Variants in NCOA2 observed in about 807,000 individuals in gnomAD.
NCOA2 encodes the protein nuclear receptor coactivator 2.
NCOA2 carries 21 observed loss-of-function variants against 145.1 expected under a neutral mutation model. The ratio of observed to expected loss-of-function variants is 0.14; its 90% CI spans 0.10 to 0.21. The LOEUF is 0.21. Ranked by LOEUF, NCOA2 falls within the 10% of genes least tolerant of loss-of-function variation. NCOA2 has a pLI of 1.00. For missense variants in NCOA2, 1,472 were observed against 1,837.6 expected (o/e 0.80, Z 3.64); for synonymous variants, 619 against 637.5 (o/e 0.97, Z 0.44).
At chr8:70,287,502 A>G (rs1224984396) in intron 2 of NCOA2, among the ~76,000 whole-genome samples, 1 of 152,168 alleles carries the variant, frequency 6.6e-6, no homozygotes, top group African/African-American at 2.4e-5. Context: ...GAATTTTTTT[A>G]CTGAATAAAA....
chr8:70,388,042 G>T (rs1406288933), intron 1 of NCOA2, among the ~76,000 whole-genome samples: 2 of 152,154 alleles, frequency 1.3e-5, no homozygotes, highest in African/African-American at 4.8e-5. Flanking sequence ...GATAAGCTGT[G>T]TCAATCATAC....
intron 4 of NCOA2, among the ~76,000 whole-genome samples, chr8:70,183,980 A>G (rs1303938858): frequency 6.6e-6 from 1 of 152,214 alleles, no homozygotes; most frequent in Non-Finnish European, 1.5e-5. Context: ...CAGGGCTGAA[A>G]TATCACAAAT....
intron 1 of NCOA2, among the ~76,000 whole-genome samples, chr8:70,400,590 T>C (rs1814144431): frequency 1.3e-5 from 2 of 152,172 alleles, no homozygotes; most frequent in African/African-American, 2.4e-5. Context: ...TTGTCAAATT[T>C]TGAATGTTGT....
At chr8:70,446,727 A>T in the NCOA2 span, among the ~76,000 whole-genome samples, 1 of 152,042 alleles carries the variant, frequency 6.6e-6, no homozygotes, top group Non-Finnish European at 1.5e-5. Context: ...ATTTAAATTG[A>T]TTTTTCTGAA....
chr8:70,408,508 A>G (rs914745951), upstream of NCOA2, among the ~76,000 whole-genome samples: 2 of 152,236 alleles, frequency 1.3e-5, no homozygotes, highest in African/African-American at 2.4e-5. Flanking sequence ...TGGCCTAAAA[A>G]CAGAAATAGA....
At chr8:70,127,351 C>A (rs529781373) in intron 18 of NCOA2, among the ~76,000 whole-genome samples, 1 of 152,304 alleles carries the variant, frequency 6.6e-6, no homozygotes, top group Admixed American at 6.5e-5. Context: ...ATAACACAGT[C>A]CTTTCTATAA....
chr8:70,175,653 A>G (rs572996410), intron 4 of NCOA2, among the ~76,000 whole-genome samples: 4 of 152,398 alleles, frequency 2.6e-5, no homozygotes, highest in Non-Finnish European at 4.4e-5. Flanking sequence ...TATGTGGTAA[A>G]GTAGTTATTT....
chr8:70,133,415 G>A (rs944363111), intron 15 of NCOA2, among the ~76,000 whole-genome samples: 4 of 151,956 alleles, frequency 2.6e-5, no homozygotes, highest in African/African-American at 9.7e-5. Context: ...TGTAGAGACA[G>A]GGTCTTGCTA....
the NCOA2 span, among the ~76,000 whole-genome samples, chr8:70,449,615 T>A: frequency 2.0e-5 from 3 of 152,220 alleles, no homozygotes; most frequent in South Asian, 4.1e-4. Context: ...CCTTCTTCCC[T>A]CCTCCAATCT....
intron 22 of NCOA2, among the ~76,000 whole-genome samples, chr8:70,119,442 C>T (rs192128086): frequency 3.3e-5 from 5 of 152,234 alleles, no homozygotes; most frequent in Admixed American, 3.3e-4. Flanking sequence ...ACCACATTTT[C>T]TTTATCCATT....
chr8:70,199,361 G>T (rs1273591994), intron 4 of NCOA2, among the ~76,000 whole-genome samples: 6 of 149,512 alleles, frequency 4.0e-5, no homozygotes, highest in African/African-American at 1.2e-4. Context: ...TGAGGCAGGA[G>T]AATTGCTTGA....
chr8:70,240,569 G>A (rs1302721487), intron 2 of NCOA2, among the ~76,000 whole-genome samples: 1 of 152,126 alleles, frequency 6.6e-6, no homozygotes. Flanking sequence ...ATGTTGGAAC[G>A]CTATAGAGGG....
intron 4 of NCOA2, among the ~76,000 whole-genome samples, chr8:70,176,538 A>C (rs540099243): frequency 1.3e-5 from 2 of 152,314 alleles, no homozygotes; most frequent in South Asian, 2.1e-4. Context: ...CTCCAGCCAC[A>C]GGATTGGCTT....
At chr8:70,118,276 G>A (rs1479127096) in intron 22 of NCOA2, among the ~76,000 whole-genome samples, 1 of 152,172 alleles carries the variant, frequency 6.6e-6, no homozygotes, top group Non-Finnish European at 1.5e-5. Context: ...GGTTAAAATG[G>A]CCCCTCTGTG....
chr8:70,364,473 A>G (rs1294536528), intron 1 of NCOA2, among the ~76,000 whole-genome samples: 3 of 152,262 alleles, frequency 2.0e-5, no homozygotes, highest in Non-Finnish European at 4.4e-5. Flanking sequence ...AACTGAAAAC[A>G]GCAAGAAACA....
At chr8:70,453,179 T>C in the NCOA2 span, among the ~76,000 whole-genome samples, 1 of 152,252 alleles carries the variant, frequency 6.6e-6, no homozygotes, top group Admixed American at 6.5e-5. Flanking sequence ...ATTTAAATGC[T>C]AAGCCTGGCC....
chr8:70,322,127 A>G (rs1194693582), intron 1 of NCOA2, among the ~76,000 whole-genome samples: 1 of 152,050 alleles, frequency 6.6e-6, no homozygotes, highest in Non-Finnish European at 1.5e-5. Context: ...AGAGGGGGAA[A>G]AAAAAACCTG....
At chr8:70,377,410 T>C (rs901758439) in intron 1 of NCOA2, among the ~76,000 whole-genome samples, 2 of 152,118 alleles carry the variant, frequency 1.3e-5, no homozygotes, top group Non-Finnish European at 2.9e-5. Flanking sequence ...AATAAAAATT[T>C]AGTATTTAGT....
intron 1 of NCOA2, among the ~76,000 whole-genome samples, chr8:70,364,829 GTTT>G (rs5892229): frequency 6.2e-4 from 86 of 137,620 alleles, no homozygotes; most frequent in African/African-American, 2.2e-3. Context: ...AAAAAGGTTT[GTTT>G]TTTTTTTTTT....
Sources: allele counts gnomAD v4.1 joint callset (sites outside exome capture counted in the v4.1 genomes callset), GRCh38; gene constraint gnomAD v4.1.1; transcripts MANE v1.5; gene names NCBI Gene and HGNC (gene_info 2026-07-23, HGNC 2026-07-21).